Variants in ZNF208 observed in about 807,000 individuals in gnomAD.
The protein encoded by ZNF208 is zinc finger protein 208.
ZNF208 carries 10 observed loss-of-function variants against 12.1 expected under a neutral mutation model. The observed-to-expected ratio is 0.83, with a 90% confidence interval of 0.51 to 1.40. The LOEUF (loss-of-function observed/expected upper bound fraction) is 1.40, where lower values mean the gene tolerates loss of function less well. Ranked by LOEUF, ZNF208 falls within the 40% of genes most tolerant of loss-of-function variation. The pLI, the probability that ZNF208 is intolerant of heterozygous loss-of-function variation, is 0.00. For missense variants in ZNF208, 1,652 were observed against 1,485.0 expected (o/e 1.11, Z -1.85); for synonymous variants, 497 against 488.4 (o/e 1.02, Z -0.23).
At chr19:21,980,464 T>C (rs1356796097) in intron 3 of ZNF208, among the ~76,000 whole-genome samples, 1 of 152,170 alleles carries the variant, frequency 6.6e-6, no homozygotes, top group Non-Finnish European at 1.5e-5. Context: ...TGCTCCTGAA[T>C]GATTATAGGG....
chr19:21,946,868 A>G (rs1487549174), intron 4 of ZNF208, among the ~76,000 whole-genome samples: 1 of 152,100 alleles, frequency 6.6e-6, no homozygotes, highest in Non-Finnish European at 1.5e-5. Context: ...TCTATACCTC[A>G]GTGTTACCTA....
At chr19:22,009,952 G>C (rs1344949357) in intron 1 of ZNF208, among the ~76,000 whole-genome samples, 1 of 152,134 alleles carries the variant, frequency 6.6e-6, no homozygotes, top group East Asian at 1.9e-4. Flanking sequence ...TTGGGATGCC[G>C]AGGCGGGCGG....
chr19:21,950,955 A>G (rs1034910560), intron 4 of ZNF208, among the ~76,000 whole-genome samples: 2 of 152,246 alleles, frequency 1.3e-5, no homozygotes, highest in African/African-American at 4.8e-5. Flanking sequence ...TAATTGGTGT[A>G]CAAATAAGCA....
intron 4 of ZNF208, among the ~76,000 whole-genome samples, chr19:21,957,263 C>T (rs927800248): frequency 6.6e-5 from 10 of 152,292 alleles, no homozygotes; most frequent in Admixed American, 6.5e-4. Flanking sequence ...TGATCTTGAA[C>T]TCTTGACCTC....
At position 21,996,907 on chromosome 19, in the gene ZNF208, G is replaced by A. The variant is rs558311392; in HGVS notation, c.4-7998C>T. 2.6e-5 allele frequency among the ~76,000 whole-genome samples: 4 copies of A among 152,308 alleles called. No homozygotes were observed. The South Asian group carries it at 8.3e-4, about 32-fold the overall frequency. Reference sequence around the variant, plus strand: ...GGATGATAGATACCAAGTACGTAGAGACACAATTCCACCTGCATATTTAGG... The same window carrying A: ...GGATGATAGATACCAAGTACGTAGAAACACAATTCCACCTGCATATTTAGG... On this transcript the variant is annotated intron_variant, in intron 1 of 3. Coordinates refer to ENST00000397126, the MANE Select transcript of ZNF208 (RefSeq NM_007153.3).
Position 21,952,092 on chromosome 19 carries a change from G to C in ZNF208, c.306-18855C>G, listed in dbSNP as rs117460638. Among the ~76,000 whole-genome samples, 233 of 152,344 alleles carry C rather than the reference G, an allele frequency of 1.5e-3. 4 individuals are homozygous for C. The East Asian group carries it at 0.038, about 25-fold the overall frequency. The stretch of plus-strand genomic sequence containing the variant: ...AGATGGCAACGCAGCAGCCTGGCTA[G>C]GGGAGGGGCATCCACCATTGCTGAG... On this transcript the variant is annotated intron_variant, in intron 4 of 4. Transcript: ENST00000599916.
Position 21,972,647 on chromosome 19 carries a change from T to C in ZNF208, c.2387A>G (p.Lys796Arg). 6.2e-7 allele frequency: 1 copy of C among 1,613,326 alleles called. No homozygotes were observed. The highest frequency in any genetic ancestry group is 8.5e-7 in the Non-Finnish European group (1 of 1,179,870). ...FNRSAILIKH[K>R]RIHTDEKPYK... Reference sequence around the variant, plus strand: ...GGGTTTCTCATCAGTATGAATTCTCTTATGTTTAATAAGGATTGCAGATCG... The same window carrying C: ...GGGTTTCTCATCAGTATGAATTCTCCTATGTTTAATAAGGATTGCAGATCG... Residue 796 changes from lysine to arginine, a missense_variant, in exon 4 of 4, where the codon AAG becomes AGG. Physicochemically the swap from Lys to Arg is conservative, Grantham distance 26. Transcript: ENST00000397126.
chr19:21,962,459 C>A (rs1217652703), downstream of ZNF208, among the ~76,000 whole-genome samples: 1 of 152,008 alleles, frequency 6.6e-6, no homozygotes, highest in Non-Finnish European at 1.5e-5. Context: ...AAAATTAAGT[C>A]TTTTTAAATA....
At chr19:21,991,361 T>C (rs1028107714) in intron 1 of ZNF208, 1 of 152,208 alleles carries the variant, frequency 6.6e-6, no homozygotes, top group African/African-American at 2.4e-5. Context: ...TCAGTTTATA[T>C]GTAATATTTT....
chr19:21,959,241 C>G (rs1407897682), intron 4 of ZNF208, among the ~76,000 whole-genome samples: 1 of 152,036 alleles, frequency 6.6e-6, no homozygotes, highest in Non-Finnish European at 1.5e-5. Flanking sequence ...AATACAGCAA[C>G]ATAATACTTC....
At position 21,970,643 on chromosome 19, in the gene ZNF208, TA is replaced by T. The variant is rs747744366; in HGVS notation, c.*547del. 3 of 1,008,376 alleles carry T rather than the reference TA, an allele frequency of 3.0e-6. No homozygotes were observed. The highest frequency in any genetic ancestry group is 4.6e-6 in the Non-Finnish European group (3 of 650,728). 62.5% of individuals were successfully genotyped at this position (1,008,376 alleles called of 1,614,324 possible). A position where few individuals can be genotyped will look rare whatever the true frequency, so the allele number is the denominator to read the frequency against. The stretch of plus-strand genomic sequence containing the variant: ...CCAGTATGAATTCTCTTATGTTCCA[TA>T]AGGTTTGAGGACTGGTTGAAGCCTT... On this transcript the variant is annotated 3_prime_UTR_variant, in exon 4 of 4. Transcript: ENST00000397126.
rs1302103640 is a variant in ZNF208, at chr19:21,968,276, C to A, written c.*2915G>T. The A allele has an allele frequency of 6.6e-6, 1 of 151,908 alleles. No homozygotes were observed. The highest frequency in any genetic ancestry group is 1.5e-5 in the Non-Finnish European group (1 of 67,942). The allele number at this position is 151,908 out of a possible 1,614,324, so 9.4% of individuals were successfully genotyped here. Reference sequence around the variant, plus strand: ...AATAGGACTGTTTAGAATGGATATTCTTATTTTTATTCTCATGGAGAATGC... The same window carrying A: ...AATAGGACTGTTTAGAATGGATATTATTATTTTTATTCTCATGGAGAATGC... On this transcript the variant is annotated 3_prime_UTR_variant, in exon 4 of 4. Coordinates refer to ENST00000397126, the MANE Select transcript of ZNF208 (RefSeq NM_007153.3).
At chr19:22,010,695 C>G (rs1199091250) in intron 1 of ZNF208, 97 bp downstream of exon 1, 10 of 1,583,356 alleles carry the variant, frequency 6.3e-6, no homozygotes, top group East Asian at 2.2e-5. Flanking sequence ...AGATGTGGAG[C>G]TGACTGCGGG....
chr19:22,001,892 CAAAAAAAAAAAAA>C (rs58939967), intron 1 of ZNF208, among the ~76,000 whole-genome samples: 22 of 74,100 alleles, frequency 3.0e-4, no homozygotes, highest in East Asian at 1.3e-3. Context: ...GACTCCATCC[CAAAAAAAAAAAAA>C]AAAAAAAAAA....
chr19:21,972,828 G>C lies in ZNF208; in HGVS notation c.2206C>G (p.Leu736Val), dbSNP rs16982682. The C allele has an allele frequency of 1.4e-3, 2,316 of 1,612,362 alleles. 27 individuals are homozygous for C. The African/African-American group carries it at 0.025, about 17-fold the overall frequency. ...GTATGAATTACCTTATGTTTAGTAA[G>C]GACTGAGAATGTACTAAAGCTTTTG... is the stretch of plus-strand genomic sequence containing the variant. ...CGKSFSTFSV[L>V]TKHKVIHTGE... The change falls in exon 4 of 4, where the codon CTT (leucine) becomes GTT (valine). Residue 736 changes from leucine to valine, a missense_variant. Around this residue, in one of 3 missense-constraint regions of ZNF208, gnomAD observed 1,239 missense variants for 1,086.2 expected, o/e 1.14. Transcript: ENST00000397126.
intron 4 of ZNF208, among the ~76,000 whole-genome samples, chr19:21,951,807 G>T (rs746852566): frequency 1.3e-5 from 2 of 152,210 alleles, no homozygotes; most frequent in South Asian, 4.1e-4. Context: ...TGGACAGTGG[G>T]TTCAGCCCAT....
Position 21,973,834 on chromosome 19 carries a change from T to C in ZNF208, c.1200A>G (p.Glu400=). ...ACATACTAAAACCTTTGCCACATTCTTCACATTTGTAGGGTTTCTCTCCAG... is the reference window on the plus strand; with the variant it reads ...ACATACTAAAACCTTTGCCACATTCCTCACATTTGTAGGGTTTCTCTCCAG... ...IHTGEKPYKC[E]ECGKGFSMFS... Residue 400 remains glutamate (E), a synonymous_variant, in exon 4 of 4, where the codon GAA becomes GAG. Transcript: ENST00000397126. 6.2e-7 allele frequency: 1 copy of C among 1,613,646 alleles called. No homozygotes were observed.
At position 21,970,967 on chromosome 19, in the gene ZNF208, T is replaced by G. The variant is rs1179232680; in HGVS notation, c.*224A>C. On this transcript the variant is annotated 3_prime_UTR_variant, in exon 4 of 4. Transcript: ENST00000397126. Reference sequence around the variant, plus strand: ...TGGTTTCTCTCCAGTATGAATTACCTTATGTTTAGTAAGGATTGAGAACAT... The same window carrying G: ...TGGTTTCTCTCCAGTATGAATTACCGTATGTTTAGTAAGGATTGAGAACAT... Among the ~76,000 whole-genome samples the G allele has an allele frequency of 1.3e-5, 2 of 152,010 alleles. No individual in the cohort carries two copies. Among genetic ancestry groups the G allele is most frequent in the Non-Finnish European group, 2.9e-5 (2 of 68,000 alleles).
At chr19:21,989,067 A>T (rs1376750705) in intron 1 of ZNF208, among the ~76,000 whole-genome samples, 158 bp from the exon 2 acceptor site, 1 of 150,618 alleles carries the variant, frequency 6.6e-6, no homozygotes, top group Non-Finnish European at 1.5e-5. Context: ...ATTCTCTAAC[A>T]TATTCTCTCT....
Sources: gnomAD v4.1 joint callset for allele counts (sites outside exome capture counted in the v4.1 genomes callset) on GRCh38, gnomAD v4.1.1 for gene constraint, gnomAD v4.1.1 regional missense constraint, MANE v1.5 for transcripts, NCBI Gene and HGNC (gene_info 2026-07-23, HGNC 2026-07-21) for gene names.